The following SMU1 variants were observed in gnomAD, a reference collection of about 807,000 sequenced individuals.
SMU1 encodes SMU1 DNA replication regulator and spliceosomal factor.
SMU1 carries 2 observed loss-of-function variants against 62.0 expected under a neutral mutation model. The ratio of observed to expected loss-of-function variants is 0.03; its 90% CI spans 0.01 to 0.10. SMU1 has a LOEUF of 0.10. SMU1 is among the 10% of genes least tolerant of loss of function. SMU1 has a pLI of 1.00. For missense variants in SMU1, 227 were observed against 622.1 expected (o/e 0.36, Z 6.76); for synonymous variants, 188 against 212.4 (o/e 0.89, Z 1.00).
At position 33,068,551 on chromosome 9, in the gene SMU1, C is replaced by T. The variant is rs561779085; in HGVS notation, c.501+273G>A. On this transcript the variant is annotated intron_variant, in intron 4 of 11. Transcript: ENST00000397149. Reference sequence around the variant, plus strand: ...GGAGACAGGGTCTCACTCTGTTGCCCAAGCTGGAGTATAATGGCATGATCA... The same window carrying T: ...GGAGACAGGGTCTCACTCTGTTGCCTAAGCTGGAGTATAATGGCATGATCA... Among the ~76,000 whole-genome samples, 4 of 152,164 alleles carry T rather than the reference C, an allele frequency of 2.6e-5. No individual in the cohort carries two copies. In the Middle Eastern group the frequency reaches 0.01, roughly 388 times the overall value.
chr9:33,053,632 A>C (rs1035790662), intron 9 of SMU1, among the ~76,000 whole-genome samples: 1 of 152,238 alleles, frequency 6.6e-6, no homozygotes, highest in Non-Finnish European at 1.5e-5. Flanking sequence ...CAATGCCCGC[A>C]CACCACTTCC....
At chr9:33,072,268 C>T (rs941467319) in intron 2 of SMU1, among the ~76,000 whole-genome samples, 3 of 150,812 alleles carry the variant, frequency 2.0e-5, no homozygotes, top group African/African-American at 4.9e-5. Flanking sequence ...ACCCGAGAGG[C>T]GGAGAGTGCA....
chr9:33,042,084 A>C lies in SMU1; in HGVS notation c.*5209T>G, dbSNP rs1033103260. On this transcript the variant is annotated 3_prime_UTR_variant, in exon 12 of 12. Coordinates refer to ENST00000397149, the MANE Select transcript of SMU1 (RefSeq NM_018225.3). ...TAGGAAAATTTGTTACATGTTTTAC[A>C]ATTAAAAATCCTAAGAACACTAAAA... is the stretch of plus-strand genomic sequence containing the variant. 1 of 152,636 alleles carries C rather than the reference A, an allele frequency of 6.6e-6. No homozygotes were observed. Among genetic ancestry groups the C allele is most frequent in the African/African-American group, 2.4e-5 (1 of 41,454 alleles). The allele number at this position is 152,636 out of a possible 1,614,324, so 9.5% of individuals were successfully genotyped here.
intron 5 of SMU1, 104 bp downstream of exon 5, chr9:33,061,945 G>T (rs1839366442): frequency 2.5e-6 from 3 of 1,217,524 alleles, no homozygotes; most frequent in Admixed American, 4.4e-5. Context: ...TGGAGAATGA[G>T]TTCTCCCCCT....
At chr9:33,072,033 T>A in intron 2 of SMU1, 141 bp from the exon 3 acceptor site, 2 of 850,754 alleles carry the variant, frequency 2.4e-6, no homozygotes, top group Non-Finnish European at 3.3e-6. Flanking sequence ...CCATTTTCAC[T>A]AGCAATTTCA....
At chr9:33,055,336 CT>C (rs970309851) in intron 9 of SMU1, among the ~76,000 whole-genome samples, 19 of 152,238 alleles carry the variant, frequency 1.2e-4, no homozygotes, top group East Asian at 7.7e-4. Context: ...GCCACCACCC[CT>C]GGCTGTCTGA....
chr9:33,053,141 G>A lies in SMU1; in HGVS notation c.1272C>T (p.Ile424=). ...VVCNRSNTVV[I]MNMQGQIVRS... ...CACTCACCTGCCCCTGCATGTTCAT[G>A]ATGACCACCGTGTTTGATCTGTTGC... is the stretch of plus-strand genomic sequence containing the variant. Residue 424 remains isoleucine, a synonymous_variant, in exon 10 of 12, where the codon ATC becomes ATT. Coordinates refer to ENST00000397149, the MANE Select transcript of SMU1 (RefSeq NM_018225.3). The A allele has an allele frequency of 6.2e-7, 1 of 1,612,196 alleles. No individual in the cohort carries two copies.
intron 1 of SMU1, among the ~76,000 whole-genome samples, chr9:33,075,946 G>C (rs1004090071): frequency 6.6e-6 from 1 of 152,156 alleles, no homozygotes; most frequent in Non-Finnish European, 1.5e-5. Context: ...TCTCTCCCCA[G>C]ACAACCCAAA....
chr9:33,060,238 C>T (rs1839348215), intron 6 of SMU1, among the ~76,000 whole-genome samples: 1 of 152,128 alleles, frequency 6.6e-6, no homozygotes, highest in East Asian at 1.9e-4. Context: ...CTGGGTTGAA[C>T]TCCTGGGTTC....
At chr9:33,075,323 G>C (rs1839533923) in intron 1 of SMU1, among the ~76,000 whole-genome samples, 1 of 152,208 alleles carries the variant, frequency 6.6e-6, no homozygotes, top group African/African-American at 2.4e-5. Flanking sequence ...CTTGCAGTGA[G>C]CGGAGATCGC....
In SMU1 at chr9:33,062,185, GA is replaced by G. The variant is rs112622707; in HGVS notation, c.502-9del. On this transcript the variant is annotated splice_polypyrimidine_tract_variant and intron_variant, in intron 4 of 11. Coordinates refer to ENST00000397149, the MANE Select transcript of SMU1 (RefSeq NM_018225.3). ...CTGCTGCCACTTCAGTGCCTATGAG[GA>G]AAAAAAAAAATATAGCAATCTGTTC... 0.013 allele frequency: 15,650 copies of G among 1,222,746 alleles called. 13 individuals carry two copies. The highest frequency in any genetic ancestry group is 0.032 in the African/African-American group (1,966 of 62,358). The allele number at this position is 1,222,746 out of a possible 1,614,324, so 75.7% of individuals were successfully genotyped here.
At chr9:33,053,006 A>G in intron 10 of SMU1, 117 bp downstream of exon 10, 8 of 818,128 alleles carry the variant, frequency 9.8e-6, no homozygotes, top group Non-Finnish European at 1.6e-5. Context: ...TACAGCTTAA[A>G]CGGTTTACAG....
chr9:33,056,309 T>C, intron 8 of SMU1, 70 bp from the exon 9 acceptor site: 1 of 1,435,742 alleles, frequency 7.0e-7, no homozygotes, highest in Non-Finnish European at 9.4e-7. Context: ...AACGATTGAA[T>C]GCATTTTAGA....
chr9:33,067,466 A>C (rs1283080258), intron 4 of SMU1, among the ~76,000 whole-genome samples: 4 of 150,796 alleles, frequency 2.7e-5, no homozygotes, highest in African/African-American at 9.7e-5. Context: ...CACTGCTATT[A>C]GTTTGATTAA....
chr9:33,049,108 T>C (rs1839215841), intron 10 of SMU1, among the ~76,000 whole-genome samples: 1 of 152,226 alleles, frequency 6.6e-6, no homozygotes, highest in Non-Finnish European at 1.5e-5. Context: ...TTTGTGGATA[T>C]TGACAACCCA....
intron 9 of SMU1, among the ~76,000 whole-genome samples, chr9:33,054,176 CTT>C (rs75382780): frequency 1.6e-4 from 23 of 141,614 alleles, no homozygotes; most frequent in Admixed American, 2.1e-4. Context: ...CTTTTCTTTT[CTT>C]TTTTTTTTTT....
In SMU1 at chr9:33,047,797, T is replaced by G. The variant is rs562662128; in HGVS notation, c.1443+309A>C. On this transcript the variant is annotated intron_variant, in intron 11 of 11. Coordinates refer to ENST00000397149, the MANE Select transcript of SMU1 (RefSeq NM_018225.3). ...TCACTTGAAACCAGGAGGCAGAGGT[T>G]GTAGTGAGCCGAGATCACACCACTG... 2.8e-4 allele frequency among the ~76,000 whole-genome samples: 42 copies of G among 150,856 alleles called. 1 individual carries two copies. Among genetic ancestry groups the G allele is most frequent in the African/African-American group, 9.8e-4 (40 of 40,994 alleles).
At chr9:33,051,849 G>T (rs1839253357) in intron 10 of SMU1, among the ~76,000 whole-genome samples, 1 of 151,990 alleles carries the variant, frequency 6.6e-6, no homozygotes, top group African/African-American at 2.4e-5. Flanking sequence ...GAGGTCAGGA[G>T]TTCGAGACCA....
intron 11 of SMU1, among the ~76,000 whole-genome samples, 190 bp downstream of exon 11, chr9:33,047,916 A>AT (rs1384579748): frequency 2.0e-5 from 3 of 152,144 alleles, no homozygotes; most frequent in Non-Finnish European, 4.4e-5. Flanking sequence ...AGCCACCGAG[A>AT]TTTGGGGATC....
Sources: gnomAD v4.1 joint callset for allele counts (sites outside exome capture counted in the v4.1 genomes callset) on GRCh38, gnomAD v4.1.1 for gene constraint, MANE v1.5 for transcripts, NCBI Gene and HGNC (gene_info 2026-07-23, HGNC 2026-07-21) for gene names.